Variants in NPAS3 observed in about 807,000 individuals in gnomAD.
The protein encoded by NPAS3 is neuronal PAS domain-containing protein 3.
NPAS3 carries 14 observed loss-of-function variants against 73.1 expected under a neutral mutation model. That is an observed-to-expected ratio of 0.19 (90% CI 0.13 to 0.30). The LOEUF is 0.30. Among genes scored for constraint, NPAS3 ranks in the 10% least tolerant of loss-of-function variants. The pLI, the probability that NPAS3 is intolerant of heterozygous loss-of-function variation, is 1.00. For synonymous variants in NPAS3, 620 were observed against 541.5 expected (o/e 1.14, Z -2.01); for missense variants, 1,096 against 1,250.0 (o/e 0.88, Z 1.86).
At chr14:33,757,373 GT>G (rs2062147243) in intron 7 of NPAS3, among the ~76,000 whole-genome samples, 1 of 152,170 alleles carries the variant, frequency 6.6e-6, no homozygotes, top group Non-Finnish European at 1.5e-5. Flanking sequence ...GGTCACTGCT[GT>G]TCAACATATG....
chr14:33,458,505 G>T (rs1420104669), intron 4 of NPAS3, among the ~76,000 whole-genome samples: 3 of 152,168 alleles, frequency 2.0e-5, no homozygotes, highest in Non-Finnish European at 4.4e-5. Flanking sequence ...ATGAATAAAG[G>T]TTAATTTTAC....
chr14:33,674,249 C>CATTT (rs935487226), intron 5 of NPAS3, among the ~76,000 whole-genome samples: 1 of 152,172 alleles, frequency 6.6e-6, no homozygotes, highest in African/African-American at 2.4e-5. Flanking sequence ...TTTTATCTGC[C>CATTT]ATTTGTGTTG....
At chr14:33,000,977 G>A (rs554832757) in intron 1 of NPAS3, among the ~76,000 whole-genome samples, 2 of 152,302 alleles carry the variant, frequency 1.3e-5, no homozygotes, top group African/African-American at 4.8e-5. Flanking sequence ...AGTATTTTTA[G>A]GACATACGTT....
intron 3 of NPAS3, among the ~76,000 whole-genome samples, chr14:33,358,617 G>C (rs952961996): frequency 6.6e-6 from 1 of 152,156 alleles, no homozygotes; most frequent in East Asian, 1.9e-4. Context: ...TCCATCCTGA[G>C]TTGAGAGTTG....
chr14:33,312,684 T>C (rs747248658), intron 3 of NPAS3, among the ~76,000 whole-genome samples: 9 of 152,070 alleles, frequency 5.9e-5, no homozygotes, highest in Admixed American at 2.0e-4. Context: ...CTTGTGGTTA[T>C]TGATTTTTCC....
intron 1 of NPAS3, among the ~76,000 whole-genome samples, chr14:32,963,524 T>C (rs2037016992): frequency 6.6e-6 from 1 of 152,144 alleles, no homozygotes; most frequent in African/African-American, 2.4e-5. Context: ...GTATAATTGA[T>C]GCCGAGGAGG....
chr14:33,652,051 AC>A (rs2140235589), intron 5 of NPAS3, among the ~76,000 whole-genome samples: 1 of 152,318 alleles, frequency 6.6e-6, no homozygotes, highest in South Asian at 2.1e-4. Flanking sequence ...TTTGACAAAT[AC>A]GGTTAAAAAT....
chr14:33,176,700 G>A (rs1402835312), intron 2 of NPAS3, among the ~76,000 whole-genome samples: 2 of 152,040 alleles, frequency 1.3e-5, no homozygotes. Context: ...ATATCTCCTT[G>A]AGTCTCTGAT....
intron 6 of NPAS3, among the ~76,000 whole-genome samples, chr14:33,700,787 G>T (rs1056793678): frequency 1.3e-5 from 2 of 152,244 alleles, no homozygotes; most frequent in African/African-American, 2.4e-5. Flanking sequence ...ATTGAAATGG[G>T]GTTGGTCTGA....
chr14:33,004,817 C>CTTTTTTTCTTTTTTTTTTTTTTTTTTTTT (rs2038933289), intron 1 of NPAS3, among the ~76,000 whole-genome samples: 1 of 63,998 alleles, frequency 1.6e-5, no homozygotes, highest in Non-Finnish European at 3.5e-5. Context: ...AAAAGTTTTC[C>CTTTTTTTCTTTTTTTTTTTTTTTTTTTTT]TTTTTTTTTT....
At chr14:33,284,744 A>G (rs534724319) in intron 3 of NPAS3, among the ~76,000 whole-genome samples, 93 of 145,322 alleles carry the variant, frequency 6.4e-4, no homozygotes, top group African/African-American at 2.2e-3. Flanking sequence ...TACATATTTC[A>G]TATCTATATA....
chr14:33,327,177 CAA>C (rs1359593732), intron 3 of NPAS3, among the ~76,000 whole-genome samples: 6 of 152,136 alleles, frequency 3.9e-5, no homozygotes, highest in Non-Finnish European at 7.4e-5. Context: ...TTTAATTACT[CAA>C]ATGTTTGAAA....
Position 33,095,894 on chromosome 14 carries a change from G to T in NPAS3, c.140+39900G>T, listed in dbSNP as rs1007515107. Reference sequence around the variant, plus strand: ...TCACCGTGTTTGCCAGGATGGTCTCGATCTCCTGACCTCGTGATTCGCCCG... The same window carrying T: ...TCACCGTGTTTGCCAGGATGGTCTCTATCTCCTGACCTCGTGATTCGCCCG... On this transcript the variant is annotated intron_variant, in intron 2 of 11. Coordinates refer to ENST00000356141, the Ensembl canonical transcript of NPAS3. Among the ~76,000 whole-genome samples, 3 of 151,362 alleles carry T rather than the reference G, an allele frequency of 2.0e-5. No homozygotes were observed. The East Asian group carries it at 5.8e-4, about 29-fold the overall frequency.
At chr14:32,952,129 G>A (rs1046954458) in intron 1 of NPAS3, among the ~76,000 whole-genome samples, 10 of 151,960 alleles carry the variant, frequency 6.6e-5, no homozygotes, top group Admixed American at 4.6e-4. Flanking sequence ...TGTAGATTAA[G>A]AGTATTTCAT....
chr14:33,082,447 A>T (rs2041889409), intron 2 of NPAS3, among the ~76,000 whole-genome samples: 1 of 152,242 alleles, frequency 6.6e-6, no homozygotes, highest in South Asian at 2.1e-4. Flanking sequence ...GTTTAAATGT[A>T]AACCCTTTTT....
intron 1 of NPAS3, among the ~76,000 whole-genome samples, chr14:32,941,613 C>G (rs2036019007): frequency 6.6e-6 from 1 of 151,974 alleles, no homozygotes; most frequent in East Asian, 2.0e-4. Context: ...AACACTTGGT[C>G]TGAAATTCTG....
intron 4 of NPAS3, among the ~76,000 whole-genome samples, chr14:33,444,830 T>C (rs970925593): frequency 3.3e-5 from 5 of 152,280 alleles, no homozygotes; most frequent in African/African-American, 9.6e-5. Context: ...AAGGCAGGAA[T>C]TTATCAGATG....
chr14:33,567,830 A>G (rs1456245237), intron 5 of NPAS3, among the ~76,000 whole-genome samples: 1 of 152,220 alleles, frequency 6.6e-6, no homozygotes, highest in Non-Finnish European at 1.5e-5. Context: ...TATCTGTGAA[A>G]GAGAATGAAA....
intron 4 of NPAS3, among the ~76,000 whole-genome samples, chr14:33,490,957 A>G (rs2051864875): frequency 6.6e-6 from 1 of 152,024 alleles, no homozygotes; most frequent in African/African-American, 2.4e-5. Flanking sequence ...CAAAAATACA[A>G]TTTTTCACTG....
Sources: allele counts gnomAD v4.1 joint callset (sites outside exome capture counted in the v4.1 genomes callset), GRCh38; gene constraint gnomAD v4.1.1; transcripts MANE v1.5; gene names NCBI Gene and HGNC (gene_info 2026-07-23, HGNC 2026-07-21).